Variants in KIF18A observed in about 807,000 individuals in gnomAD.
KIF18A encodes kinesin family member 18A.
A neutral mutation model predicts 103.3 loss-of-function variants in KIF18A; 67 were observed. The ratio of observed to expected loss-of-function variants is 0.65; its 90% CI spans 0.53 to 0.79. KIF18A has a LOEUF of 0.79. Ranked by LOEUF, KIF18A falls within the 30% of genes least tolerant of loss-of-function variation. The probability of loss-of-function intolerance (pLI) is 0.00; values close to 1 mark genes in which losing one functional copy is unlikely to be tolerated. For synonymous variants in KIF18A, 367 were observed against 355.5 expected, an observed-to-expected ratio of 1.03 and a Z score of -0.36; for missense variants, 1,032 against 1,062.5, an observed-to-expected ratio of 0.97 and a Z score of 0.40.
chr11:28,093,001 C>G (rs966440826), intron 3 of KIF18A, among the ~76,000 whole-genome samples: 1 of 152,158 alleles, frequency 6.6e-6, no homozygotes, highest in Admixed American at 6.5e-5. Flanking sequence ...CAGCCACACC[C>G]CAGACCTACT....
intron 1 of KIF18A, among the ~76,000 whole-genome samples, chr11:28,106,509 A>C (rs1216317808): frequency 6.7e-6 from 1 of 149,652 alleles, no homozygotes; most frequent in Non-Finnish European, 1.5e-5. Flanking sequence ...CGGCACTGAC[A>C]GCTGAGCTAT....
At chr11:28,039,165 T>A (rs1850529324) in intron 13 of KIF18A, among the ~76,000 whole-genome samples, 1 of 151,708 alleles carries the variant, frequency 6.6e-6, no homozygotes, top group African/African-American at 2.4e-5. Flanking sequence ...AATAGGATTA[T>A]ATGATAAGGG....
chr11:28,022,457 C>G, intron 16 of KIF18A, among the ~76,000 whole-genome samples: 1 of 151,920 alleles, frequency 6.6e-6, no homozygotes, highest in African/African-American at 2.4e-5. Context: ...TTGGTAGAGA[C>G]GGGGTTTCAC....
intron 1 of KIF18A, among the ~76,000 whole-genome samples, chr11:28,105,127 T>G (rs899711490): frequency 6.6e-6 from 1 of 151,960 alleles, no homozygotes; most frequent in African/African-American, 2.4e-5. Flanking sequence ...ATCCCACAAA[T>G]AGAAATGTAC....
intron 6 of KIF18A, among the ~76,000 whole-genome samples, chr11:28,086,431 T>C (rs1851228989): frequency 6.6e-6 from 1 of 152,200 alleles, no homozygotes; most frequent in South Asian, 2.1e-4. Flanking sequence ...AACAAATAAA[T>C]TTTGTTAAGT....
chr11:28,074,146 C>T lies in KIF18A; in HGVS notation c.1425+2861G>A, dbSNP rs141888287. Among the ~76,000 whole-genome samples the T allele has an allele frequency of 8.6e-5, 13 of 151,104 alleles. No individual in the cohort carries two copies. In the East Asian group the frequency reaches 2.5e-3, roughly 29 times the overall value. On this transcript the variant is annotated intron_variant, in intron 10 of 16. Coordinates refer to ENST00000263181, the MANE Select transcript of KIF18A (RefSeq NM_031217.4). Reference sequence around the variant, plus strand: ...TGAGTTGTGGAGTGAGACCTTATCTCCAAAAATAAAATAAAATAAACATAA... The same window carrying T: ...TGAGTTGTGGAGTGAGACCTTATCTTCAAAAATAAAATAAAATAAACATAA...
rs138080329 is a variant in KIF18A, at chr11:28,059,885, A to AAC, written c.1713-726_1713-725dup. ...ACATATTTTAGGTATACAACATTAAAACACACACACACACACAAACACATA... is the reference window on the plus strand; with the variant it reads ...ACATATTTTAGGTATACAACATTAAAACACACACACACACACACAAACACATA... On this transcript the variant is annotated intron_variant, in intron 12 of 16. Coordinates refer to ENST00000263181, the MANE Select transcript of KIF18A (RefSeq NM_031217.4). Among the ~76,000 whole-genome samples, 294 of 151,658 alleles carry AAC rather than the reference A, an allele frequency of 1.9e-3. 3 individuals carry two copies. In the East Asian group the frequency reaches 0.024, roughly 12 times the overall value.
intron 13 of KIF18A, among the ~76,000 whole-genome samples, chr11:28,053,804 T>G (rs1850742820): frequency 6.6e-6 from 1 of 152,068 alleles, no homozygotes; most frequent in Non-Finnish European, 1.5e-5. Flanking sequence ...GCTGATAAGT[T>G]TTAAAGTTAG....
chr11:28,097,836 C>G lies in KIF18A; in HGVS notation c.112G>C (p.Asp38His), dbSNP rs758498139. The G allele has an allele frequency of 1.2e-6, 2 of 1,613,194 alleles. No individual in the cohort carries two copies. The highest frequency in any genetic ancestry group is 1.1e-5 in the South Asian group (1 of 90,932). The change falls in exon 2 of 17, where the codon GAT (aspartate) becomes CAT (histidine). Residue 38 changes from aspartate (D) to histidine (H), a missense_variant. By Grantham distance (81) the Asp-to-His change is moderately conservative. Transcript: ENST00000263181. The part of the protein sequence containing the change: ...AGFHKVVHVV[D>H]KHILVFDPKQ... The stretch of plus-strand genomic sequence containing the variant: ...GGATCAAAAACTAGGATATGTTTAT[C>G]CACAACATGAACCACTTTATGAAAT...
chr11:28,076,794 C>T (rs796089976), intron 10 of KIF18A: 4 of 273,918 alleles, frequency 1.5e-5, no homozygotes, highest in African/African-American at 6.7e-5. Context: ...ATTAGCTGGG[C>T]GTAGTGGTGC....
In KIF18A at chr11:28,062,518, T is replaced by C. The variant is rs1397449127; in HGVS notation, c.1591-2A>G. 1.2e-6 allele frequency: 2 copies of C among 1,608,012 alleles called. No homozygotes were observed. Among genetic ancestry groups the C allele is most frequent in the Non-Finnish European group, 8.5e-7 (1 of 1,176,922 alleles). ...ACAATGAAGATCTTTCTTGAGTTCC[T>C]AGGGCAAACAATACAAAATGTACTT... On this transcript the variant is annotated splice_acceptor_variant, in intron 11 of 16. Transcript: ENST00000263181. LOFTEE classifies it high-confidence loss of function.
At chr11:28,090,465 G>T (rs1851286906) in intron 5 of KIF18A, 152 bp downstream of exon 5, 1 of 462,708 alleles carries the variant, frequency 2.2e-6, no homozygotes, top group Non-Finnish European at 3.8e-6. Context: ...AATACTCTTG[G>T]TGACAGAAAC....
intron 13 of KIF18A, among the ~76,000 whole-genome samples, chr11:28,041,405 T>G (rs1039085885): frequency 6.6e-6 from 1 of 151,608 alleles, no homozygotes; most frequent in African/African-American, 2.4e-5. Flanking sequence ...AAAAATAGCA[T>G]GTGCAGAGAT....
In KIF18A at chr11:28,069,354, C is replaced by T; in HGVS notation, c.1495G>A (p.Glu499Lys). 1.9e-6 allele frequency: 3 copies of T among 1,613,514 alleles called. No homozygotes were observed. Among genetic ancestry groups the T allele is most frequent in the Non-Finnish European group, 2.5e-6 (3 of 1,179,618 alleles). The change falls in exon 11 of 17, where the codon GAG (glutamate) becomes AAG (lysine). Residue 499 changes from glutamate to lysine, a missense_variant. Coordinates refer to ENST00000263181, the MANE Select transcript of KIF18A (RefSeq NM_031217.4). ...TRRSYLEKRREEELKQFDENT... is the reference protein window; with the variant it reads ...TRRSYLEKRRKEELKQFDENT... ...TCATCAAATTGCTTCAATTCCTCCT[C>T]CCTCCTTTTCTCCAGGTAGGAGCGA... is the stretch of plus-strand genomic sequence containing the variant.
intron 13 of KIF18A, among the ~76,000 whole-genome samples, chr11:28,053,354 G>T (rs1375006272): frequency 6.6e-6 from 1 of 151,454 alleles, no homozygotes; most frequent in Admixed American, 6.6e-5. Flanking sequence ...ATTATCAGGT[G>T]TCACAAAATA....
intron 13 of KIF18A, among the ~76,000 whole-genome samples, chr11:28,038,205 T>C (rs1280774479): frequency 6.6e-6 from 1 of 151,604 alleles, no homozygotes; most frequent in Non-Finnish European, 1.5e-5. Flanking sequence ...ACAAATTGTT[T>C]CATTAGAATT....
chr11:28,046,440 G>A (rs1414718894), intron 13 of KIF18A, among the ~76,000 whole-genome samples: 35 of 146,114 alleles, frequency 2.4e-4, no homozygotes, highest in Non-Finnish European at 3.6e-4. Context: ...GTAAACTATT[G>A]CAAGAACAAA....
chr11:28,036,625 G>A lies in KIF18A; in HGVS notation c.1988C>T (p.Thr663Ile). The A allele has an allele frequency of 1.2e-6, 2 of 1,609,560 alleles. No homozygotes were observed. The highest frequency in any genetic ancestry group is 2.7e-5 in the African/African-American group (2 of 74,688). Residue 663 changes from threonine to isoleucine, a missense_variant, in exon 14 of 17, where the codon ACA becomes ATA. Physicochemically the swap from Thr to Ile is moderately conservative, Grantham distance 89 (BLOSUM62 -1). Transcript: ENST00000263181. ...TAGTTTTCTCCGAGTTCTTTTTTCT[G>A]TAGGAATCTTAACCAGATTAGTTCC... ...SGGTNLVKIP[T>I]EKRTRRKLMP...
chr11:28,021,186 G>A lies in KIF18A; in HGVS notation c.*14C>T. On this transcript the variant is annotated 3_prime_UTR_variant, in exon 17 of 17. Coordinates refer to ENST00000263181, the MANE Select transcript of KIF18A (RefSeq NM_031217.4). ...AGATTTGATCAACTTCATTTTGCTT[G>A]GTTTTGAAGTGATTTATCTTAGATT... 11 of 1,478,588 alleles carry A rather than the reference G, an allele frequency of 7.4e-6. No homozygotes were observed. Among genetic ancestry groups the A allele is most frequent in the Non-Finnish European group, 9.9e-6 (11 of 1,111,758 alleles). The allele number at this position is 1,478,588 out of a possible 1,614,324, so 91.6% of individuals were successfully genotyped here.
Sources: allele counts gnomAD v4.1 joint callset (sites outside exome capture counted in the v4.1 genomes callset), GRCh38; gene constraint gnomAD v4.1.1; transcripts MANE v1.5; gene names NCBI Gene and HGNC (gene_info 2026-07-23, HGNC 2026-07-21).